The following TARS3 variants were observed in gnomAD, a reference collection of about 807,000 sequenced individuals.
The protein encoded by TARS3 is threonyl-tRNA synthetase 3.
Under a neutral mutation model 103.5 loss-of-function variants are expected in TARS3, and 94 were observed. The observed-to-expected ratio is 0.91, with a 90% CI of 0.77 to 1.08. The LOEUF (loss-of-function observed/expected upper bound fraction) is 1.08. TARS3 is among the 50% of genes least tolerant of loss of function. The probability of loss-of-function intolerance (pLI) is 0.00; values close to 1 mark genes in which losing one functional copy is unlikely to be tolerated. For missense variants in TARS3, 952 were observed against 995.2 expected, an observed-to-expected ratio of 0.96 and a Z score of 0.58; for synonymous variants, 416 against 355.4, an observed-to-expected ratio of 1.17 and a Z score of -1.92.
intron 10 of TARS3, chr15:101,699,516 A>G: frequency 2.2e-6 from 1 of 452,070 alleles, no homozygotes; most frequent in African/African-American, 2.0e-5. Context: ...CCAACTTGAG[A>G]GTACAAGGTG....
rs770230616 is a variant in TARS3, at chr15:101,708,859, G to A, written c.864C>T (p.Ile288=). ...LSALENICKA[I]IKEKQPFERL... ...TTTCAAAAGGTTGCTTTTCTTTTATGATGGCTTTACATATATTCTCCAGGG... is the reference window on the plus strand; with the variant it reads ...TTTCAAAAGGTTGCTTTTCTTTTATAATGGCTTTACATATATTCTCCAGGG... Residue 288 remains isoleucine, a synonymous_variant, in exon 6 of 19, where the codon ATC becomes ATT. Transcript: ENST00000335968. The A allele has an allele frequency of 2.3e-5, 37 of 1,613,084 alleles. No homozygotes were observed. The highest frequency in any genetic ancestry group is 3.0e-5 in the Non-Finnish European group (35 of 1,179,706).
At chr15:101,657,481 G>C (rs1211933534) in intron 17 of TARS3, among the ~76,000 whole-genome samples, 1 of 152,250 alleles carries the variant, frequency 6.6e-6, no homozygotes, top group Non-Finnish European at 1.5e-5. Flanking sequence ...GTTGTTTAAA[G>C]CTGCTAAGTT....
At chr15:101,713,669 G>A (rs1296751027) in intron 4 of TARS3, among the ~76,000 whole-genome samples, 1 of 152,210 alleles carries the variant, frequency 6.6e-6, no homozygotes, top group African/African-American at 2.4e-5. Flanking sequence ...GGTATGTGGT[G>A]GAGTAATGCA....
At chr15:101,687,811 G>A (rs889828293) in intron 10 of TARS3, among the ~76,000 whole-genome samples, 5 of 152,114 alleles carry the variant, frequency 3.3e-5, no homozygotes, top group African/African-American at 1.2e-4. Context: ...CCTCATGAAT[G>A]AGATTAGTGT....
At chr15:101,717,453 G>A (rs910275310) in intron 3 of TARS3, among the ~76,000 whole-genome samples, 12 of 152,186 alleles carry the variant, frequency 7.9e-5, no homozygotes, top group African/African-American at 2.9e-4. Context: ...GATGGCTAGT[G>A]TTTCGCAAAC....
chr15:101,668,870 G>C (rs540630395), intron 15 of TARS3, among the ~76,000 whole-genome samples: 1 of 152,224 alleles, frequency 6.6e-6, no homozygotes, highest in East Asian at 1.9e-4. Flanking sequence ...AAAGGACAGT[G>C]CATACAATTA....
Position 101,678,868 on chromosome 15 carries a change from C to T in TARS3, c.1651-3131G>A, listed in dbSNP as rs189262192. Among the ~76,000 whole-genome samples the T allele has an allele frequency of 2.9e-3, 438 of 152,272 alleles. 2 individuals carry two copies. The highest frequency in any genetic ancestry group is 9.9e-3 in the African/African-American group (412 of 41,554). ...TTTGGTGGGTCCAATGTCTTGATTT[C>T]CCCTCAATTGCTGAAGGGTATTTTC... On this transcript the variant is annotated intron_variant, in intron 12 of 18. Coordinates refer to ENST00000335968, the MANE Select transcript of TARS3 (RefSeq NM_152334.3).
intron 10 of TARS3, among the ~76,000 whole-genome samples, 161 bp downstream of exon 10, chr15:101,700,925 A>G (rs1899239772): frequency 6.6e-6 from 1 of 152,204 alleles, no homozygotes; most frequent in African/African-American, 2.4e-5. Context: ...TATAGGTGTG[A>G]GCCACCGTGT....
chr15:101,698,615 C>A (rs1334326945), intron 10 of TARS3, among the ~76,000 whole-genome samples: 1 of 152,160 alleles, frequency 6.6e-6, no homozygotes, highest in Non-Finnish European at 1.5e-5. Context: ...TGCATTATTC[C>A]TCAAGCACCA....
In TARS3 at chr15:101,654,521, GA is replaced by G. The variant is rs931190958; in HGVS notation, c.*60del. 314 of 1,576,298 alleles carry G rather than the reference GA, an allele frequency of 2.0e-4. 1 individual carries two copies. The East Asian group carries it at 6.8e-3, about 34-fold the overall frequency. ...AGTCGTAGAAGTACTAACATGTTAA[GA>G]AAAATACATTTTTAAGGGTCAAAAC... On this transcript the variant is annotated 3_prime_UTR_variant, in exon 19 of 19. Transcript: ENST00000335968.
At chr15:101,685,271 T>C (rs569210491) in intron 11 of TARS3, among the ~76,000 whole-genome samples, 6 of 152,332 alleles carry the variant, frequency 3.9e-5, no homozygotes, top group African/African-American at 1.4e-4. Context: ...TTGTACAATA[T>C]GTTTGTCTTA....
intron 15 of TARS3, among the ~76,000 whole-genome samples, chr15:101,665,549 G>A (rs1369890121): frequency 6.6e-6 from 1 of 152,096 alleles, no homozygotes; most frequent in African/African-American, 2.4e-5. Flanking sequence ...GACCACATGA[G>A]GACAGATTAC....
At position 101,685,966 on chromosome 15, in the gene TARS3, C is replaced by T. The variant is rs774458643; in HGVS notation, c.1417G>A (p.Glu473Lys). 8.1e-6 allele frequency: 13 copies of T among 1,613,948 alleles called. No individual in the cohort carries two copies. The Admixed American group carries it at 1.0e-4, about 12-fold the overall frequency. The change falls in exon 11 of 19, where the codon GAG becomes AAG. Residue 473 changes from glutamate (E) to lysine (K), a missense_variant. Coordinates refer to ENST00000335968, the MANE Select transcript of TARS3 (RefSeq NM_152334.3). ...EASGHWQHYS[E>K]NMFTFEIEKD... Reference sequence around the variant, plus strand: ...TCAATCTCAAAGGTAAACATGTTCTCGCTGTAATGCTGCCAGTGGCCTGAG... The same window carrying T: ...TCAATCTCAAAGGTAAACATGTTCTTGCTGTAATGCTGCCAGTGGCCTGAG...
At chr15:101,691,294 T>TA (rs1567339989) in intron 10 of TARS3, among the ~76,000 whole-genome samples, 69 of 84,490 alleles carry the variant, frequency 8.2e-4, no homozygotes, top group East Asian at 3.0e-3. Context: ...ATATATATAT[T>TA]TTTGAAACAG....
At chr15:101,655,312 G>T (rs578894) in intron 18 of TARS3, among the ~76,000 whole-genome samples, 60,754 of 78,618 alleles carry the variant, frequency 0.77, 24,176 homozygotes, top group African/African-American at 0.89. Flanking sequence ...CAGATGAGAG[G>T]GGGGAGCTCT....
chr15:101,655,136 G>A (rs1277583423), intron 18 of TARS3, among the ~76,000 whole-genome samples: 3 of 150,334 alleles, frequency 2.0e-5, no homozygotes, highest in African/African-American at 4.9e-5. Flanking sequence ...GGGTGCAAAT[G>A]AGAGCGGGGA....
intron 12 of TARS3, among the ~76,000 whole-genome samples, chr15:101,683,382 T>C (rs1459131810): frequency 6.6e-6 from 1 of 152,220 alleles, no homozygotes; most frequent in Non-Finnish European, 1.5e-5. Context: ...AGGATTAGGG[T>C]TAAACATTAG....
At chr15:101,701,408 C>A (rs1448583014) in intron 9 of TARS3, among the ~76,000 whole-genome samples, 1 of 152,236 alleles carries the variant, frequency 6.6e-6, no homozygotes, top group Non-Finnish European at 1.5e-5. Context: ...CTGCTATTCT[C>A]TGCGAATTTT....
chr15:101,674,119 G>A (rs1332314932), intron 13 of TARS3, among the ~76,000 whole-genome samples: 1 of 152,226 alleles, frequency 6.6e-6, no homozygotes, highest in East Asian at 1.9e-4. Flanking sequence ...CCTGGGATGT[G>A]AACCGTCCTT....
Sources: allele counts gnomAD v4.1 joint callset (sites outside exome capture counted in the v4.1 genomes callset), GRCh38; gene constraint gnomAD v4.1.1; transcripts MANE v1.5; gene names NCBI Gene and HGNC (gene_info 2026-07-23, HGNC 2026-07-21).